MZT1: variants seen among roughly 807,000 people sequenced by gnomAD.
MZT1 encodes the protein mitotic spindle organizing protein 1, also known as mitotic-spindle organizing protein 1.
Under a neutral mutation model 8.5 loss-of-function variants are expected in MZT1, and 8 were observed. That is an observed-to-expected ratio of 0.94 (90% CI 0.55 to 1.70). MZT1 has a LOEUF of 1.70. MZT1 is among the 40% of genes most tolerant of loss of function. MZT1 has a pLI of 0.00. For synonymous variants in MZT1, 38 were observed against 42.0 expected (o/e 0.90, Z 0.37); for missense variants, 93 against 108.6 (o/e 0.86, Z 0.64).
chr13:72,715,424 G>T (rs1436864615), intron 2 of MZT1, among the ~76,000 whole-genome samples: 1 of 152,204 alleles, frequency 6.6e-6, no homozygotes, highest in Admixed American at 6.5e-5. Context: ...TTGCTGGAAT[G>T]AGTTAAGACT....
In MZT1 at chr13:72,709,813, A is replaced by T. The variant is rs573704989; in HGVS notation, c.*509T>A. On this transcript the variant is annotated 3_prime_UTR_variant, in exon 3 of 3. Coordinates refer to ENST00000377818, the MANE Select transcript of MZT1 (RefSeq NM_001071775.3). ...AAACAAGATTCTGATATACATAATG[A>T]ATCTAAATAAAAATTCACAAGTGGT... 1.3e-5 allele frequency: 2 copies of T among 152,396 alleles called. No homozygotes were observed. Among genetic ancestry groups the T allele is most frequent in the African/African-American group, 4.8e-5 (2 of 41,582 alleles). The allele number at this position is 152,396 out of a possible 1,614,324, so 9.4% of individuals were successfully genotyped here.
At chr13:72,711,864 A>G (rs1470875593) in intron 2 of MZT1, among the ~76,000 whole-genome samples, 1 of 152,208 alleles carries the variant, frequency 6.6e-6, no homozygotes. Flanking sequence ...CCAAATGGCA[A>G]TAAGAGAGAA....
chr13:72,713,808 T>C (rs2032510027), intron 2 of MZT1, among the ~76,000 whole-genome samples: 1 of 152,196 alleles, frequency 6.6e-6, no homozygotes, highest in African/African-American at 2.4e-5. Flanking sequence ...TTTTGGAGCA[T>C]GTTGGATTTT....
At chr13:72,717,187 G>A (rs986499981) in intron 2 of MZT1, among the ~76,000 whole-genome samples, 16 of 152,076 alleles carry the variant, frequency 1.1e-4, no homozygotes, top group African/African-American at 3.9e-4. Context: ...TTGCTCATTT[G>A]TGTCACATTA....
chr13:72,717,462 C>T (rs2032547229), intron 2 of MZT1, among the ~76,000 whole-genome samples: 1 of 151,926 alleles, frequency 6.6e-6, no homozygotes, highest in African/African-American at 2.4e-5. Flanking sequence ...GCCTCAGCCA[C>T]CCAAGTAGCT....
chr13:72,720,558 C>T (rs1252044462), intron 1 of MZT1, among the ~76,000 whole-genome samples: 1 of 152,152 alleles, frequency 6.6e-6, no homozygotes, highest in Non-Finnish European at 1.5e-5. Context: ...AGGTCCCTCC[C>T]ATTTCTTCCA....
At chr13:72,713,940 A>G (rs2032511171) in intron 2 of MZT1, among the ~76,000 whole-genome samples, 1 of 152,200 alleles carries the variant, frequency 6.6e-6, no homozygotes, top group Non-Finnish European at 1.5e-5. Flanking sequence ...AATATTAGCT[A>G]TTCTTGTTAT....
At chr13:72,715,005 T>C (rs1007786945) in intron 2 of MZT1, among the ~76,000 whole-genome samples, 1 of 152,178 alleles carries the variant, frequency 6.6e-6, no homozygotes, top group African/African-American at 2.4e-5. Context: ...AACCCCAGAA[T>C]GGTAGATCCA....
chr13:72,723,644 C>CAA (rs971623550), intron 1 of MZT1, among the ~76,000 whole-genome samples: 11 of 145,788 alleles, frequency 7.5e-5, no homozygotes, highest in African/African-American at 2.8e-4. Flanking sequence ...GAAAATATTA[C>CAA]AAAAAAAAAA....
At chr13:72,724,352 G>A (rs2032618766) in intron 1 of MZT1, among the ~76,000 whole-genome samples, 1 of 151,990 alleles carries the variant, frequency 6.6e-6, no homozygotes, top group African/African-American at 2.4e-5. Flanking sequence ...GTCAAGAATT[G>A]AAAGGGCTTA....
chr13:72,718,252 G>GCCACCCC lies in MZT1; in HGVS notation c.225+699_225+700insGGGGTGG, dbSNP rs1456418024. 2.6e-5 allele frequency among the ~76,000 whole-genome samples: 4 copies of GCCACCCC among 152,096 alleles called. No individual in the cohort carries two copies. In the East Asian group the frequency reaches 7.7e-4, roughly 29 times the overall value. On this transcript the variant is annotated intron_variant, in intron 2 of 2. Coordinates refer to ENST00000377818, the MANE Select transcript of MZT1 (RefSeq NM_001071775.3). Reference sequence around the variant, plus strand: ...TTTGTGTCCAAATTTCTCTTCTAAGGCCACCAATTATTGGGTTAGGATCTA... The same window carrying GCCACCCC: ...TTTGTGTCCAAATTTCTCTTCTAAGGCCACCCCCCACCAATTATTGGGTTAGGATCTA...
chr13:72,724,744 A>AGTGTG (rs1566214905), intron 1 of MZT1, among the ~76,000 whole-genome samples: 6 of 21,226 alleles, frequency 2.8e-4, no homozygotes, highest in Non-Finnish European at 5.5e-4. Context: ...ATATATACAC[A>AGTGTG]TATATATATG....
intron 1 of MZT1, among the ~76,000 whole-genome samples, chr13:72,725,829 G>A (rs1173210412): frequency 2.6e-5 from 4 of 151,974 alleles, no homozygotes; most frequent in South Asian, 4.1e-4. Context: ...AAGAAAATAG[G>A]CTAGAAGTGA....
At position 72,709,168 on chromosome 13, in the gene MZT1, C is replaced by T. The variant is rs1419410893; in HGVS notation, c.*1154G>A. ...AATTCTGAAAAGCCATACTTATAAT[C>T]CTTGACATCAAGATGTTAAAAAGGT... On this transcript the variant is annotated 3_prime_UTR_variant, in exon 3 of 3. Coordinates refer to ENST00000377818, the MANE Select transcript of MZT1 (RefSeq NM_001071775.3). The T allele has an allele frequency of 6.6e-6, 1 of 151,830 alleles. No individual in the cohort carries two copies. The highest frequency in any genetic ancestry group is 2.4e-5 in the African/African-American group (1 of 41,390). 9.4% of individuals were successfully genotyped at this position (151,830 alleles called of 1,614,324 possible).
intron 2 of MZT1, among the ~76,000 whole-genome samples, chr13:72,710,844 C>T (rs1016071392): frequency 6.6e-6 from 1 of 152,136 alleles, no homozygotes; most frequent in Non-Finnish European, 1.5e-5. Context: ...GATACCATAT[C>T]ATCAATAAAT....
chr13:72,714,639 A>G (rs1339420561), intron 2 of MZT1, among the ~76,000 whole-genome samples: 2 of 152,192 alleles, frequency 1.3e-5, no homozygotes, highest in South Asian at 2.1e-4. Flanking sequence ...CAGCCTTGGG[A>G]CATTGCTTCT....
At chr13:72,726,264 T>C (rs1018648903) in intron 1 of MZT1, among the ~76,000 whole-genome samples, 10 of 152,240 alleles carry the variant, frequency 6.6e-5, no homozygotes, top group African/African-American at 2.4e-4. Flanking sequence ...ACTCCGTCTC[T>C]ACTAAAAATA....
intron 1 of MZT1, among the ~76,000 whole-genome samples, chr13:72,726,625 G>A (rs1465646050): frequency 4.0e-5 from 6 of 150,908 alleles, no homozygotes; most frequent in East Asian, 2.0e-4. Context: ...AAAGAAAGAA[G>A]ACTACAAGAG....
In MZT1 at chr13:72,718,266, G is replaced by A. The variant is rs76351566; in HGVS notation, c.225+686C>T. Among the ~76,000 whole-genome samples the A allele has an allele frequency of 6.8e-3, 1,041 of 152,014 alleles. 14 individuals are homozygous for A. The highest frequency in any genetic ancestry group is 0.024 in the African/African-American group (984 of 41,446). ...TCTCTTCTAAGGCCACCAATTATTGGGTTAGGATCTACCCTAATCCAGGAT... is the reference window on the plus strand; with the variant it reads ...TCTCTTCTAAGGCCACCAATTATTGAGTTAGGATCTACCCTAATCCAGGAT... On this transcript the variant is annotated intron_variant, in intron 2 of 2. Transcript: ENST00000377818.
Sources: allele counts gnomAD v4.1 joint callset (sites outside exome capture counted in the v4.1 genomes callset), GRCh38; gene constraint gnomAD v4.1.1; transcripts MANE v1.5; gene names NCBI Gene and HGNC (gene_info 2026-07-23, HGNC 2026-07-21).